RANBP3: variants seen among roughly 807,000 people sequenced by gnomAD.
The protein encoded by RANBP3 is RAN binding protein 3, also known as ran-binding protein 3.
RANBP3 carries 14 observed loss-of-function variants against 77.3 expected under a neutral mutation model. The observed-to-expected ratio is 0.18, with a 90% CI of 0.12 to 0.28. The LOEUF (loss-of-function observed/expected upper bound fraction) is 0.28, where lower values mean the gene tolerates loss of function less well. Among genes scored for constraint, RANBP3 ranks in the 10% least tolerant of loss-of-function variants. The pLI, the probability that RANBP3 is intolerant of heterozygous loss-of-function variation, is 1.00. For missense variants in RANBP3, 586 were observed against 752.3 expected (o/e 0.78, Z 2.59); for synonymous variants, 315 against 312.4 (o/e 1.01, Z -0.09).
chr19:5,935,415 G>A (rs999789851), intron 5 of RANBP3, among the ~76,000 whole-genome samples: 2 of 152,240 alleles, frequency 1.3e-5, no homozygotes, highest in Non-Finnish European at 2.9e-5. Context: ...CTTTTCCGAA[G>A]GAAACACTCA....
At chr19:5,933,390 GC>G (rs1205606855) in intron 6 of RANBP3, 23 bp downstream of exon 6, 1 of 1,590,968 alleles carries the variant, frequency 6.3e-7, no homozygotes, top group Non-Finnish European at 8.6e-7. Context: ...GCCACCCCCC[GC>G]CCCAGGGAGG....
intron 13 of RANBP3, among the ~76,000 whole-genome samples, chr19:5,922,060 C>T (rs1211164328): frequency 2.6e-5 from 4 of 152,132 alleles, no homozygotes; most frequent in South Asian, 4.2e-4. Flanking sequence ...GGAGTTACTG[C>T]GAATGGACAA....
chr19:5,929,333 C>A (rs1030193651), intron 8 of RANBP3, among the ~76,000 whole-genome samples: 3 of 152,258 alleles, frequency 2.0e-5, no homozygotes, highest in African/African-American at 7.2e-5. Flanking sequence ...CCCACTGGGG[C>A]CGCCTGCATC....
At chr19:5,972,504 A>G (rs2058542217) in intron 1 of RANBP3, among the ~76,000 whole-genome samples, 1 of 152,184 alleles carries the variant, frequency 6.6e-6, no homozygotes, top group African/African-American at 2.4e-5. Flanking sequence ...CAGACCCTGA[A>G]TAGATAATGA....
intron 5 of RANBP3, 140 bp from the exon 6 acceptor site, chr19:5,933,619 A>C: frequency 1.7e-6 from 1 of 606,030 alleles, no homozygotes; most frequent in Non-Finnish European, 2.8e-6. Context: ...TCCAAATTAC[A>C]ACAGAAGTCT....
chr19:5,926,562 A>G (rs1057284271), intron 9 of RANBP3, among the ~76,000 whole-genome samples: 1 of 152,162 alleles, frequency 6.6e-6, no homozygotes, highest in African/African-American at 2.4e-5. Context: ...AAAGAAAAAA[A>G]AAGAATCCAT....
chr19:5,977,420 C>T (rs1235322324), intron 1 of RANBP3, among the ~76,000 whole-genome samples: 1 of 152,070 alleles, frequency 6.6e-6, no homozygotes, highest in Admixed American at 6.5e-5. Context: ...CAAAGAGCAG[C>T]CAGGGTTTTC....
Position 5,934,835 on chromosome 19 carries a change from A to G in RANBP3, c.407-1356T>C, listed in dbSNP as rs376439346. Among the ~76,000 whole-genome samples the G allele has an allele frequency of 7.2e-5, 11 of 152,336 alleles. No individual in the cohort carries two copies. In the East Asian group the frequency reaches 9.6e-4, roughly 13 times the overall value. ...GGGCGACAGAGTGAGACCTTGTCTC[A>G]AACAAAACAAAAACATTGTTGGAAG... On this transcript the variant is annotated intron_variant, in intron 5 of 16. Transcript: ENST00000340578.
At chr19:5,936,622 C>G (rs1037911326) in intron 5 of RANBP3, among the ~76,000 whole-genome samples, 1 of 152,168 alleles carries the variant, frequency 6.6e-6, no homozygotes, top group African/African-American at 2.4e-5. Context: ...GATTCCAGGA[C>G]TGGGATGAGA....
intron 3 of RANBP3, among the ~76,000 whole-genome samples, chr19:5,946,405 G>A (rs1490338524): frequency 6.6e-6 from 1 of 152,170 alleles, no homozygotes; most frequent in Non-Finnish European, 1.5e-5. Flanking sequence ...CCTGATCTCA[G>A]GAGACCCTCA....
chr19:5,965,847 T>C (rs1291554964), intron 1 of RANBP3: 1 of 152,258 alleles, frequency 6.6e-6, no homozygotes, highest in Non-Finnish European at 1.5e-5. Context: ...CGAGCACTTC[T>C]TTATGTGTTA....
Position 5,967,160 on chromosome 19 carries a change from G to A in RANBP3, c.23-9187C>T, listed in dbSNP as rs140242772. Among the ~76,000 whole-genome samples the A allele has an allele frequency of 6.1e-3, 934 of 152,300 alleles. 11 individuals are homozygous for A. The highest frequency in any genetic ancestry group is 0.021 in the African/African-American group (884 of 41,542). On this transcript the variant is annotated intron_variant, in intron 1 of 16. Transcript: ENST00000340578. ...ATGCCTCTGCGGATCTCCGTGTATA[G>A]CATGCTCGGGTTCTCCAGCCCAGCT...
intron 14 of RANBP3, among the ~76,000 whole-genome samples, chr19:5,919,290 G>A (rs927882298): frequency 1.3e-5 from 2 of 152,194 alleles, no homozygotes; most frequent in South Asian, 2.1e-4. Flanking sequence ...GGCCCACCCC[G>A]TGGACTCAGC....
At chr19:5,923,779 T>G in intron 12 of RANBP3, 33 bp downstream of exon 12, 468 of 1,535,924 alleles carry the variant, frequency 3.0e-4, no homozygotes, top group Non-Finnish European at 3.9e-4. Flanking sequence ...TGACCTACCA[T>G]GAGCCCCATG....
At chr19:5,931,674 G>C (rs2057993658) in intron 7 of RANBP3, 143 bp from the exon 8 acceptor site, 1 of 839,860 alleles carries the variant, frequency 1.2e-6, no homozygotes, top group Non-Finnish European at 1.7e-6. Flanking sequence ...TTTTAAGGAA[G>C]GACCTGGTAT....
chr19:5,918,400 T>G (rs1220129620), intron 15 of RANBP3, 96 bp downstream of exon 15: 12 of 122,906 alleles, frequency 9.8e-5, no homozygotes, highest in Non-Finnish European at 1.4e-4. Context: ...CCCTCCCCCC[T>G]CCCCTCCCCA....
chr19:5,920,166 G>A (rs184744695), intron 14 of RANBP3, among the ~76,000 whole-genome samples: 21 of 152,372 alleles, frequency 1.4e-4, no homozygotes, highest in Admixed American at 3.3e-4. Context: ...GGAGGCTGAG[G>A]TGGGAGGACT....
intron 1 of RANBP3, among the ~76,000 whole-genome samples, chr19:5,973,506 C>T (rs1299045779): frequency 2.6e-5 from 4 of 152,178 alleles, no homozygotes; most frequent in Non-Finnish European, 5.9e-5. Flanking sequence ...ACAGCGCAAT[C>T]GCCCACAACA....
intron 1 of RANBP3, among the ~76,000 whole-genome samples, chr19:5,968,829 A>G (rs1424998315): frequency 6.6e-6 from 1 of 152,248 alleles, no homozygotes; most frequent in Non-Finnish European, 1.5e-5. Flanking sequence ...CACTGGAGAC[A>G]GGAAAGAAAT....
Sources: allele counts gnomAD v4.1 joint callset (sites outside exome capture counted in the v4.1 genomes callset), GRCh38; gene constraint gnomAD v4.1.1; transcripts MANE v1.5; gene names NCBI Gene and HGNC (gene_info 2026-07-23, HGNC 2026-07-21).